The following ICA1L variants were observed in gnomAD, a reference collection of about 807,000 sequenced individuals.
ICA1L encodes islet cell autoantigen 1 like, also known as islet cell autoantigen 1-like protein.
A neutral mutation model predicts 61.3 loss-of-function variants in ICA1L; 50 were observed. That is an observed-to-expected ratio of 0.82 (90% CI 0.65 to 1.03). ICA1L has a LOEUF of 1.03. ICA1L is among the 50% of genes least tolerant of loss of function. The pLI is 0.00. For synonymous variants in ICA1L, 161 were observed against 191.3 expected, an observed-to-expected ratio of 0.84 and a Z score of 1.31; for missense variants, 508 against 556.7, an observed-to-expected ratio of 0.91 and a Z score of 0.88.
chr2:202,774,552 T>C lies in ICA1L; in HGVS notation c.*4981A>G, dbSNP rs1045300253. ...CACAGGAGAGACACAGGAAAAAAAGTTGTAATATACTCACAGGTCCTAGAG... is the reference window on the plus strand; with the variant it reads ...CACAGGAGAGACACAGGAAAAAAAGCTGTAATATACTCACAGGTCCTAGAG... On this transcript the variant is annotated 3_prime_UTR_variant, in exon 13 of 13. Transcript: ENST00000358299. 1.0e-5 allele frequency: 4 copies of C among 395,758 alleles called. No individual in the cohort carries two copies. In the East Asian group the frequency reaches 1.9e-4, roughly 19 times the overall value. 24.5% of individuals were successfully genotyped at this position (395,758 alleles called of 1,614,324 possible).
rs1288276212 is a variant in ICA1L at position 202,871,766 on chromosome 2, G to A, written c.-155C>T. On this transcript the variant is annotated 5_prime_UTR_variant, in exon 1 of 13. Transcript: ENST00000358299. ...TCCGCACCAGTGCGTGGAGGTGTCA[G>A]GCTCCCGCTGCGGGAGGCGGGAGAT... 1 of 152,018 alleles carries A rather than the reference G, an allele frequency of 6.6e-6. No individual in the cohort carries two copies. Among genetic ancestry groups the A allele is most frequent in the Non-Finnish European group, 1.5e-5 (1 of 67,974 alleles). 9.4% of individuals were successfully genotyped at this position (152,018 alleles called of 1,614,324 possible). A position where few individuals can be genotyped will look rare whatever the true frequency, so the allele number is the denominator to read the frequency against.
At chr2:202,846,636 G>A (rs905285738) in intron 1 of ICA1L, among the ~76,000 whole-genome samples, 4 of 152,190 alleles carry the variant, frequency 2.6e-5, no homozygotes, top group Non-Finnish European at 5.9e-5. Flanking sequence ...ACTGTAACAA[G>A]ACTGTAATGA....
intron 1 of ICA1L, among the ~76,000 whole-genome samples, chr2:202,861,891 A>G (rs1215696116): frequency 2.0e-5 from 3 of 149,990 alleles, no homozygotes; most frequent in South Asian, 2.1e-4. Context: ...CTCAAAAAAA[A>G]AAAAAAAAAA....
intron 1 of ICA1L, among the ~76,000 whole-genome samples, chr2:202,853,270 C>T (rs565263661): frequency 2.5e-3 from 375 of 150,318 alleles, no homozygotes; most frequent in Non-Finnish European, 4.1e-3. Flanking sequence ...GGCAGGAGAA[C>T]GGCGTGAACC....
intron 9 of ICA1L, among the ~76,000 whole-genome samples, chr2:202,799,246 A>C (rs1199923964): frequency 6.6e-6 from 1 of 152,170 alleles, no homozygotes; most frequent in Non-Finnish European, 1.5e-5. Context: ...AACAGTGTAT[A>C]ACAGTCCTCT....
rs560657167 is a variant in ICA1L at position 202,773,401 on chromosome 2, G to C, written c.*6132C>G. 5.3e-5 allele frequency: 9 copies of C among 168,270 alleles called. No homozygotes were observed. Among genetic ancestry groups the C allele is most frequent in the East Asian group, 1.7e-4 (1 of 5,986 alleles). 10.4% of individuals were successfully genotyped at this position (168,270 alleles called of 1,614,324 possible). A position where few individuals can be genotyped will look rare whatever the true frequency, so the allele number is the denominator to read the frequency against. On this transcript the variant is annotated 3_prime_UTR_variant, in exon 13 of 13. Coordinates refer to ENST00000358299, the MANE Select transcript of ICA1L (RefSeq NM_001288622.3). The stretch of plus-strand genomic sequence containing the variant: ...AAGACCTTGAAGCTAAACAAACAAA[G>C]AAAACAAAATTTCAATGACTCTTAG...
chr2:202,801,030 G>T (rs1693074599), intron 9 of ICA1L, among the ~76,000 whole-genome samples: 1 of 150,416 alleles, frequency 6.6e-6, no homozygotes, highest in Non-Finnish European at 1.5e-5. Context: ...AAAAAAAATA[G>T]AGGAGAAAAT....
chr2:202,847,072 CA>C (rs1364795810), intron 1 of ICA1L, among the ~76,000 whole-genome samples: 1 of 152,122 alleles, frequency 6.6e-6, no homozygotes, highest in African/African-American at 2.4e-5. Flanking sequence ...ATTCCAAATA[CA>C]GGCTGAAGAA....
intron 1 of ICA1L, among the ~76,000 whole-genome samples, chr2:202,835,215 C>T (rs1427669122): frequency 8.3e-6 from 1 of 120,644 alleles, no homozygotes; most frequent in African/African-American, 3.2e-5. Context: ...TGATTTCTTC[C>T]TTTTTTTTTT....
intron 9 of ICA1L, among the ~76,000 whole-genome samples, chr2:202,802,842 A>G (rs1044737218): frequency 2.0e-5 from 3 of 152,196 alleles, no homozygotes; most frequent in African/African-American, 7.2e-5. Context: ...TATAACTTTC[A>G]AATCAGTAAA....
rs1692181261 is a variant in ICA1L, at chr2:202,775,082, A to G, written c.*4451T>C. The G allele has an allele frequency of 6.6e-6, 1 of 152,216 alleles. No individual in the cohort carries two copies. 9.4% of individuals were successfully genotyped at this position (152,216 alleles called of 1,614,324 possible). Reference sequence around the variant, plus strand: ...AAAATAGCTTATGTTGGGCTTCTGGATGTGACCCATCTTTACCAACCATTT... The same window carrying G: ...AAAATAGCTTATGTTGGGCTTCTGGGTGTGACCCATCTTTACCAACCATTT... On this transcript the variant is annotated 3_prime_UTR_variant, in exon 13 of 13. Coordinates refer to ENST00000358299, the MANE Select transcript of ICA1L (RefSeq NM_001288622.3).
chr2:202,839,558 C>CTGTGTGTGTGTGTGTGTGTG (rs57535958), intron 1 of ICA1L, among the ~76,000 whole-genome samples: 9 of 114,438 alleles, frequency 7.9e-5, no homozygotes, highest in East Asian at 2.7e-4. Flanking sequence ...ACAGTTAAGT[C>CTGTGTGTGTGTGTGTGTGTG]TGTGTGTGTG....
chr2:202,781,582 A>C (rs1031888146), intron 12 of ICA1L, among the ~76,000 whole-genome samples: 7 of 151,720 alleles, frequency 4.6e-5, no homozygotes, highest in Non-Finnish European at 5.9e-5. Flanking sequence ...TCAAAAAAAA[A>C]AAAAAAAAGA....
At chr2:202,826,447 A>C (rs12470845) in intron 2 of ICA1L, among the ~76,000 whole-genome samples, 42,529 of 151,926 alleles carry the variant, frequency 0.28, 6,452 homozygotes, top group East Asian at 0.53. Flanking sequence ...ATAAACAAGC[A>C]AGCATAAGTT....
intron 9 of ICA1L, among the ~76,000 whole-genome samples, chr2:202,800,823 A>G (rs1693068809): frequency 6.6e-6 from 1 of 152,186 alleles, no homozygotes; most frequent in South Asian, 2.1e-4. Context: ...GGTAAAAACA[A>G]CCAAAGTAAT....
chr2:202,827,287 A>G (rs10932000), intron 2 of ICA1L, among the ~76,000 whole-genome samples: 134,590 of 151,906 alleles, frequency 0.89, 60,365 homozygotes, highest in Non-Finnish European at 0.95. Flanking sequence ...CCAGCTATTC[A>G]GAAGCTGAGG....
chr2:202,853,979 A>T (rs1468806958), intron 1 of ICA1L, among the ~76,000 whole-genome samples: 1 of 152,212 alleles, frequency 6.6e-6, no homozygotes. Flanking sequence ...AAGAAACTGC[A>T]TCAACTAATG....
chr2:202,793,045 C>T (rs958264654), intron 10 of ICA1L, among the ~76,000 whole-genome samples: 2 of 152,008 alleles, frequency 1.3e-5, no homozygotes, highest in African/African-American at 2.4e-5. Context: ...GTAATGGAAA[C>T]ATTCTAATAT....
chr2:202,780,284 C>T (rs937585365), intron 12 of ICA1L, among the ~76,000 whole-genome samples: 1 of 151,490 alleles, frequency 6.6e-6, no homozygotes, highest in African/African-American at 2.5e-5. Context: ...TTTTGGTTTA[C>T]AGTTGTTATG....
Sources: allele counts gnomAD v4.1 joint callset (sites outside exome capture counted in the v4.1 genomes callset), GRCh38; gene constraint gnomAD v4.1.1; transcripts MANE v1.5; gene names NCBI Gene and HGNC (gene_info 2026-07-23, HGNC 2026-07-21).